PRKAR2A: variants seen among roughly 807,000 people sequenced by gnomAD.
The protein encoded by PRKAR2A is cAMP-dependent protein kinase type II-alpha regulatory subunit.
Under a neutral mutation model 51.9 loss-of-function variants are expected in PRKAR2A, and 29 were observed. The observed-to-expected ratio is 0.56, with a 90% confidence interval of 0.42 to 0.76. The LOEUF is 0.76. PRKAR2A is among the 30% of genes least tolerant of loss of function. The pLI, the probability that PRKAR2A is intolerant of heterozygous loss-of-function variation, is 0.00. For missense variants in PRKAR2A, 445 were observed against 512.1 expected (o/e 0.87, Z 1.26); for synonymous variants, 178 against 186.2 (o/e 0.96, Z 0.36).
At chr3:48,814,144 A>G (rs2082830858) in intron 1 of PRKAR2A, among the ~76,000 whole-genome samples, 1 of 152,062 alleles carries the variant, frequency 6.6e-6, no homozygotes, top group South Asian at 2.1e-4. Flanking sequence ...GCTACTCAGG[A>G]GGCTGAGGCA....
intron 6 of PRKAR2A, among the ~76,000 whole-genome samples, chr3:48,768,294 A>T (rs1382896312): frequency 5.7e-5 from 8 of 140,100 alleles, no homozygotes; most frequent in Non-Finnish European, 9.2e-5. Context: ...ACCGTCTCAA[A>T]AGATAGATAG....
At chr3:48,800,184 A>G (rs1244817615) in intron 2 of PRKAR2A, among the ~76,000 whole-genome samples, 5 of 151,628 alleles carry the variant, frequency 3.3e-5, no homozygotes, top group Non-Finnish European at 7.4e-5. Context: ...AATTAAATAA[A>G]ATCATACTAA....
chr3:48,821,137 T>C (rs1683372458), intron 1 of PRKAR2A, among the ~76,000 whole-genome samples: 1 of 152,082 alleles, frequency 6.6e-6, no homozygotes, highest in South Asian at 2.1e-4. Context: ...AGAAAGAACG[T>C]CTCCCTAAGT....
chr3:48,785,676 C>T (rs1175772977), intron 4 of PRKAR2A, among the ~76,000 whole-genome samples: 2 of 152,106 alleles, frequency 1.3e-5, no homozygotes, highest in African/African-American at 4.8e-5. Context: ...GGATTACAGG[C>T]GTGAGCTACC....
rs986045484 is a variant in PRKAR2A at position 48,747,773 on chromosome 3, C to A, written c.*3812G>T. ...AGCAAAGCCAGAAAAGGGGCATGAG[C>A]TCTAATTCATTGAAGAGAACACCAC... On this transcript the variant is annotated 3_prime_UTR_variant, in exon 11 of 11. Coordinates refer to ENST00000265563, the MANE Select transcript of PRKAR2A (RefSeq NM_004157.4). The A allele has an allele frequency of 6.6e-6, 1 of 152,198 alleles. No individual in the cohort carries two copies. Among genetic ancestry groups the A allele is most frequent in the African/African-American group, 2.4e-5 (1 of 41,452 alleles). The allele number at this position is 152,198 out of a possible 1,614,324, so 9.4% of individuals were successfully genotyped here.
At chr3:48,753,303 T>C (rs2081694934) in intron 9 of PRKAR2A, among the ~76,000 whole-genome samples, 1 of 152,080 alleles carries the variant, frequency 6.6e-6, no homozygotes, top group Admixed American at 6.6e-5. Context: ...GTTTTTTTTT[T>C]TAACAAATCC....
intron 1 of PRKAR2A, among the ~76,000 whole-genome samples, chr3:48,814,145 G>A (rs534336817): frequency 3.3e-5 from 5 of 152,090 alleles, no homozygotes; most frequent in African/African-American, 1.2e-4. Flanking sequence ...CTACTCAGGA[G>A]GCTGAGGCAG....
At chr3:48,838,820 A>C (rs1004870983) in intron 1 of PRKAR2A, among the ~76,000 whole-genome samples, 3 of 151,062 alleles carry the variant, frequency 2.0e-5, no homozygotes, top group Non-Finnish European at 4.4e-5. Flanking sequence ...CTACTAAAAA[A>C]AAAAATACAA....
In PRKAR2A at chr3:48,838,405, G is replaced by A. The variant is rs577340573; in HGVS notation, c.262+8930C>T. Among the ~76,000 whole-genome samples the A allele has an allele frequency of 1.2e-3, 188 of 151,748 alleles. 2 individuals carry two copies. In the South Asian group the frequency reaches 0.017, roughly 13 times the overall value. On this transcript the variant is annotated intron_variant, in intron 1 of 10. Transcript: ENST00000265563. Reference sequence around the variant, plus strand: ...ACAGATCACCTGAGGTTGGGAGTTCGAGACCAGCCTGGCCATCATGGTGAA... The same window carrying A: ...ACAGATCACCTGAGGTTGGGAGTTCAAGACCAGCCTGGCCATCATGGTGAA...
At chr3:48,798,753 C>T (rs1176143478) in intron 2 of PRKAR2A, among the ~76,000 whole-genome samples, 1 of 151,674 alleles carries the variant, frequency 6.6e-6, no homozygotes, top group Non-Finnish European at 1.5e-5. Flanking sequence ...CTAAGCCTCC[C>T]GGGTTCAGGT....
Position 48,760,359 on chromosome 3 carries a change from A to AAAAAC in PRKAR2A, c.874-3920_874-3916dup, listed in dbSNP as rs544505910. Among the ~76,000 whole-genome samples, 587 of 152,178 alleles carry AAAAAC rather than the reference A, an allele frequency of 3.9e-3. 4 individuals are homozygous for AAAAAC. Among genetic ancestry groups the AAAAAC allele is most frequent in the African/African-American group, 8.7e-3 (359 of 41,502 alleles). ...ACAACAAGAGCAAGACTCTGTCTCA[A>AAAAAC]AAAACAAAACAAAACAAAACAAAAC... On this transcript the variant is annotated intron_variant, in intron 8 of 10. Transcript: ENST00000265563.
intron 4 of PRKAR2A, among the ~76,000 whole-genome samples, chr3:48,787,190 G>T (rs201148833): frequency 0.021 from 2,792 of 132,028 alleles, 38 homozygotes; most frequent in Non-Finnish European, 0.03. Flanking sequence ...ATTTATTTAT[G>T]TATTTATTTA....
chr3:48,798,021 T>C (rs779982453), intron 2 of PRKAR2A, among the ~76,000 whole-genome samples: 1 of 152,110 alleles, frequency 6.6e-6, no homozygotes, highest in African/African-American at 2.4e-5. Context: ...GGCGTCATCT[T>C]GGCTCACCGC....
chr3:48,799,539 G>A (rs896020863), intron 2 of PRKAR2A, among the ~76,000 whole-genome samples: 2 of 152,184 alleles, frequency 1.3e-5, no homozygotes, highest in Non-Finnish European at 2.9e-5. Context: ...TCAGCTGAAG[G>A]TAGCTATAGA....
rs2081581580 is a variant in PRKAR2A at position 48,747,726 on chromosome 3, T to G, written c.*3859A>C. On this transcript the variant is annotated 3_prime_UTR_variant, in exon 11 of 11. Coordinates refer to ENST00000265563, the MANE Select transcript of PRKAR2A (RefSeq NM_004157.4). ...GCCAAAAGGAAGGCTCTCAGGAATA[T>G]TCTCTACCATCCAAAATCAACAGCA... 6.6e-6 allele frequency: 1 copy of G among 152,228 alleles called. No homozygotes were observed. Among genetic ancestry groups the G allele is most frequent in the African/African-American group, 2.4e-5 (1 of 41,460 alleles). 9.4% of individuals were successfully genotyped at this position (152,228 alleles called of 1,614,324 possible). A position where few individuals can be genotyped will look rare whatever the true frequency, so the allele number is the denominator to read the frequency against.
chr3:48,817,450 G>A (rs1347461421), intron 1 of PRKAR2A, among the ~76,000 whole-genome samples: 2 of 151,792 alleles, frequency 1.3e-5, no homozygotes, highest in Non-Finnish European at 2.9e-5. Context: ...TCTGGAGTTC[G>A]AGACCAGCCT....
At chr3:48,787,843 C>T (rs1418157616) in intron 4 of PRKAR2A, among the ~76,000 whole-genome samples, 1 of 152,106 alleles carries the variant, frequency 6.6e-6, no homozygotes, top group Non-Finnish European at 1.5e-5. Flanking sequence ...GCATTGTAAG[C>T]TCATATCTGA....
Position 48,794,453 on chromosome 3 carries a change from C to T in PRKAR2A, c.299-404G>A, listed in dbSNP as rs547349622. Among the ~76,000 whole-genome samples, 5 of 152,152 alleles carry T rather than the reference C, an allele frequency of 3.3e-5. No homozygotes were observed. The East Asian group carries it at 9.7e-4, about 29-fold the overall frequency. ...TGCTCATGCCTATAATCCCAGCACTCTGGGAGGCTGAGGCAGATGGATCAT... is the reference window on the plus strand; with the variant it reads ...TGCTCATGCCTATAATCCCAGCACTTTGGGAGGCTGAGGCAGATGGATCAT... On this transcript the variant is annotated intron_variant, in intron 2 of 10. Coordinates refer to ENST00000265563, the MANE Select transcript of PRKAR2A (RefSeq NM_004157.4).
At chr3:48,774,114 T>C (rs1419152258) in intron 5 of PRKAR2A, among the ~76,000 whole-genome samples, 3 of 152,124 alleles carry the variant, frequency 2.0e-5, no homozygotes, top group Non-Finnish European at 4.4e-5. Context: ...ATTAAAGGCA[T>C]GAGCCACCAT....
Sources: gnomAD v4.1 joint callset for allele counts (sites outside exome capture counted in the v4.1 genomes callset) on GRCh38, gnomAD v4.1.1 for gene constraint, MANE v1.5 for transcripts, NCBI Gene and HGNC (gene_info 2026-07-23, HGNC 2026-07-21) for gene names.